PLAC9: variants seen among roughly 807,000 people sequenced by gnomAD.
PLAC9 encodes placenta-specific protein 9.
A neutral mutation model predicts 11.5 loss-of-function variants in PLAC9; 12 were observed. The ratio of observed to expected loss-of-function variants is 1.05; its 90% CI spans 0.67 to 1.69. The LOEUF is 1.69. Ranked by LOEUF, PLAC9 falls within the 40% of genes most tolerant of loss-of-function variation. The probability of loss-of-function intolerance (pLI) is 0.00; values close to 1 mark genes in which losing one functional copy is unlikely to be tolerated. For missense variants in PLAC9, 132 were observed against 130.5 expected (o/e 1.01, Z -0.06); for synonymous variants, 62 against 58.1 (o/e 1.07, Z -0.31).
In PLAC9 at chr10:80,145,035, C is replaced by G. The variant is rs759674137; in HGVS notation, c.*125C>G. On this transcript the variant is annotated 3_prime_UTR_variant, in exon 4 of 4. Coordinates refer to ENST00000372263, the MANE Select transcript of PLAC9 (RefSeq NM_001012973.3). Reference sequence around the variant, plus strand: ...GAAATAAAAGCTATTCTGGTCTCCTCTGTGTCTGCTGACAGAGTAACCCGT... The same window carrying G: ...GAAATAAAAGCTATTCTGGTCTCCTGTGTGTCTGCTGACAGAGTAACCCGT... 3.2e-6 allele frequency: 4 copies of G among 1,232,704 alleles called. No homozygotes were observed. The highest frequency in any genetic ancestry group is 1.5e-5 in the African/African-American group (1 of 67,052). 76.4% of individuals were successfully genotyped at this position (1,232,704 alleles called of 1,614,324 possible).
intron 1 of PLAC9, among the ~76,000 whole-genome samples, chr10:80,139,231 C>T (rs562854191): frequency 1.5e-4 from 23 of 152,200 alleles, no homozygotes; most frequent in African/African-American, 4.8e-4. Context: ...GGATTACAGG[C>T]GTGAGCCACC....
At chr10:80,137,479 A>AG (rs372871950) in intron 1 of PLAC9, among the ~76,000 whole-genome samples, 2 of 152,194 alleles carry the variant, frequency 1.3e-5, no homozygotes, top group Non-Finnish European at 2.9e-5. Flanking sequence ...CAGAGCCAGC[A>AG]GGGGGGTATG....
At chr10:80,132,679 G>A (rs1403999129), upstream of PLAC9, 1 of 1,175,876 alleles carries the variant, frequency 8.5e-7, no homozygotes, top group Non-Finnish European at 1.1e-6. Flanking sequence ...CGAACTGAGT[G>A]CATTTCCTCT....
chr10:80,142,075 C>T lies in PLAC9; in HGVS notation c.65-7C>T, dbSNP rs1430756173. The T allele has an allele frequency of 6.2e-7, 1 of 1,604,220 alleles. No homozygotes were observed. The highest frequency in any genetic ancestry group is 8.5e-7 in the Non-Finnish European group (1 of 1,172,674). On this transcript the variant is annotated splice_polypyrimidine_tract_variant and splice_region_variant and intron_variant, in intron 1 of 3. Coordinates refer to ENST00000372263, the MANE Select transcript of PLAC9 (RefSeq NM_001012973.3). ...GTCCCACAGTGACAAGACTTGTTTT[C>T]CCACAGCTGCCGAACCCTTCAGCCC... is the stretch of plus-strand genomic sequence containing the variant.
At chr10:80,136,765 A>G (rs1316257409) in intron 1 of PLAC9, among the ~76,000 whole-genome samples, 1 of 151,946 alleles carries the variant, frequency 6.6e-6, no homozygotes, top group African/African-American at 2.4e-5. Flanking sequence ...CTCTTGCCTC[A>G]GCCTCCTAAA....
intron 1 of PLAC9, among the ~76,000 whole-genome samples, chr10:80,135,014 G>GTTTA (rs56271386): frequency 2.4e-3 from 361 of 149,436 alleles, no homozygotes; most frequent in Middle Eastern, 6.8e-3. Flanking sequence ...TTGTTTGTTT[G>GTTTA]TTTATTTATT....
Position 80,144,309 on chromosome 10 carries a change from G to T in PLAC9, c.249G>T (p.Pro83=). ...LLEELAWNLP[P]GPFSPAPDLL... ...AGGAGCTGGCCTGGAACCTGCCCCC[G>T]GGACCCTTCAGCCCCGCTCCCGACC... Residue 83 remains proline (P), a synonymous_variant, in exon 3 of 4, where the codon CCG becomes CCT. Transcript: ENST00000372263. The T allele has an allele frequency of 1.2e-6, 2 of 1,611,762 alleles. No individual in the cohort carries two copies. Among genetic ancestry groups the T allele is most frequent in the Non-Finnish European group, 8.5e-7 (1 of 1,179,874 alleles).
intron 1 of PLAC9, among the ~76,000 whole-genome samples, chr10:80,141,389 A>T (rs1316087934): frequency 1.3e-5 from 2 of 152,094 alleles, no homozygotes. Context: ...ACCTGAGGTC[A>T]GGAGTTTGAG....
At chr10:80,140,984 G>A (rs1845034067) in intron 1 of PLAC9, among the ~76,000 whole-genome samples, 1 of 152,094 alleles carries the variant, frequency 6.6e-6, no homozygotes, top group African/African-American at 2.4e-5. Context: ...TCACCCTTCT[G>A]TGCATCAGTT....
At chr10:80,140,726 G>A (rs866976043) in intron 1 of PLAC9, among the ~76,000 whole-genome samples, 19 of 152,150 alleles carry the variant, frequency 1.2e-4, no homozygotes, top group African/African-American at 4.3e-4. Flanking sequence ...GTTGAGAGGG[G>A]TTTCACCATG....
intron 2 of PLAC9, among the ~76,000 whole-genome samples, chr10:80,142,670 AGTT>A (rs527627405): frequency 2.6e-5 from 4 of 152,182 alleles, no homozygotes; most frequent in Non-Finnish European, 5.9e-5. Flanking sequence ...TCAAAATTTC[AGTT>A]GTTATTAGGC....
At chr10:80,132,883 C>T (rs1844929520) in intron 1 of PLAC9, 57 bp downstream of exon 1, 1 of 1,389,750 alleles carries the variant, frequency 7.2e-7, no homozygotes, top group Non-Finnish European at 9.5e-7. Flanking sequence ...CCGCAGATGG[C>T]GAGGAAGGAA....
intron 1 of PLAC9, among the ~76,000 whole-genome samples, chr10:80,140,719 G>T (rs1167123240): frequency 6.6e-6 from 1 of 152,188 alleles, no homozygotes; most frequent in Non-Finnish European, 1.5e-5. Context: ...ATCAAGAGTT[G>T]AGAGGGGTTT....
intron 1 of PLAC9, among the ~76,000 whole-genome samples, chr10:80,135,321 CTTTTTTTT>C (rs139336508): frequency 7.4e-5 from 5 of 67,344 alleles, no homozygotes; most frequent in Admixed American, 1.8e-4. Context: ...TGCGCCCGGC[CTTTTTTTT>C]TTTTTTTTTT....
intron 1 of PLAC9, among the ~76,000 whole-genome samples, chr10:80,133,081 G>C (rs926438901): frequency 6.6e-6 from 1 of 152,180 alleles, no homozygotes; most frequent in Non-Finnish European, 1.5e-5. Context: ...GAGAGGCTGA[G>C]ACAGAAAGAG....
chr10:80,144,323 C>T lies in PLAC9; in HGVS notation c.263C>T (p.Pro88Leu), dbSNP rs755495385. ...AWNLPPGPFS[P>L]APDLLGDGF Reference sequence around the variant, plus strand: ...AACCTGCCCCCGGGACCCTTCAGCCCCGCTCCCGACCTTCTCGGAGGTGAG... The same window carrying T: ...AACCTGCCCCCGGGACCCTTCAGCCTCGCTCCCGACCTTCTCGGAGGTGAG... The change falls in exon 3 of 4, where the codon CCC becomes CTC. Residue 88 changes from proline (P) to leucine (L), a missense_variant. Pro to Leu is a moderately conservative substitution (Grantham distance 98). Transcript: ENST00000372263. The T allele has an allele frequency of 1.9e-6, 3 of 1,608,494 alleles. No homozygotes were observed. The highest frequency in any genetic ancestry group is 1.1e-5 in the South Asian group (1 of 90,940).
At chr10:80,140,584 C>G (rs1328596181) in intron 1 of PLAC9, among the ~76,000 whole-genome samples, 1 of 152,214 alleles carries the variant, frequency 6.6e-6, no homozygotes, top group Non-Finnish European at 1.5e-5. Flanking sequence ...CCAGCCAACC[C>G]TGATGCCCCA....
At chr10:80,132,643 TC>T, upstream of PLAC9, 1 of 795,180 alleles carries the variant, frequency 1.3e-6, no homozygotes, top group Non-Finnish European at 1.8e-6. Flanking sequence ...AGCCAGAAAG[TC>T]CGGAGCCGCC....
chr10:80,143,574 T>C (rs1441505053), intron 2 of PLAC9, among the ~76,000 whole-genome samples: 1 of 151,290 alleles, frequency 6.6e-6, no homozygotes, highest in East Asian at 1.9e-4. Context: ...TTTTTGTATT[T>C]TTAGTAGAGA....
Sources: allele counts gnomAD v4.1 joint callset (sites outside exome capture counted in the v4.1 genomes callset), GRCh38; gene constraint gnomAD v4.1.1; transcripts MANE v1.5; gene names NCBI Gene and HGNC (gene_info 2026-07-23, HGNC 2026-07-21).